The following HECW1 variants were observed in gnomAD, a reference collection of about 807,000 sequenced individuals.
The protein encoded by HECW1 is E3 ubiquitin-protein ligase HECW1.
In HECW1, 61 loss-of-function variants were observed where a neutral mutation model predicts 182.3. The ratio of observed to expected loss-of-function variants is 0.33; its 90% confidence interval spans 0.27 to 0.41. HECW1 has a LOEUF of 0.41. Ranked by LOEUF, HECW1 falls within the 10% of genes least tolerant of loss-of-function variation. HECW1 has a pLI of 1.00. For missense variants in HECW1, 1,739 were observed against 2,108.9 expected, an observed-to-expected ratio of 0.82 and a Z score of 3.44; for synonymous variants, 859 against 832.6, an observed-to-expected ratio of 1.03 and a Z score of -0.55.
rs1473065051 is a variant in HECW1, at chr7:43,463,762, G to T, written c.2754G>T (p.Gly918=). 1.2e-6 allele frequency: 2 copies of T among 1,613,936 alleles called. No individual in the cohort carries two copies. The highest frequency in any genetic ancestry group is 1.7e-6 in the Non-Finnish European group (2 of 1,180,020). ...CAGCAGGAGGAGGCGGAGGTGGAGGGAGTGACTCAGAAGCCGAATCTTCCC... is the reference window on the plus strand; with the variant it reads ...CAGCAGGAGGAGGCGGAGGTGGAGGTAGTGACTCAGAAGCCGAATCTTCCC... The part of the protein sequence containing the change: ...QAPAGGGGGG[G]SDSEAESSQS... The change falls in exon 14 of 30, where the codon GGG becomes GGT. Residue 918 remains glycine (G), a synonymous_variant. Coordinates refer to ENST00000395891, the MANE Select transcript of HECW1 (RefSeq NM_015052.5).
intron 2 of HECW1, among the ~76,000 whole-genome samples, chr7:43,195,917 G>A (rs375193224): frequency 3.3e-5 from 5 of 152,238 alleles, no homozygotes; most frequent in East Asian, 3.9e-4. Context: ...GAACTGTCAC[G>A]GGGTGGTGGG....
chr7:43,550,189 G>A (rs2081749631), intron 26 of HECW1, among the ~76,000 whole-genome samples: 1 of 152,210 alleles, frequency 6.6e-6, no homozygotes, highest in African/African-American at 2.4e-5. Flanking sequence ...TCAGGAGGCT[G>A]AGGCAGGAGG....
chr7:43,419,547 A>C (rs1454433029), intron 8 of HECW1, among the ~76,000 whole-genome samples: 1 of 152,196 alleles, frequency 6.6e-6, no homozygotes, highest in African/African-American at 2.4e-5. Context: ...TACTAGTAAA[A>C]TAATTTAACA....
intron 2 of HECW1, chr7:43,239,147 C>T (rs1242584780): frequency 6.6e-6 from 1 of 152,168 alleles, no homozygotes; most frequent in Non-Finnish European, 1.5e-5. Context: ...TCCAGTCTGG[C>T]TGATGGCTGA....
intron 6 of HECW1, among the ~76,000 whole-genome samples, chr7:43,375,890 CAAAA>C (rs71011911): frequency 9.7e-6 from 1 of 102,908 alleles, no homozygotes; most frequent in Non-Finnish European, 1.9e-5. Context: ...AGACCCTTCT[CAAAA>C]AAAAAAAAAA....
At chr7:43,315,668 A>G (rs948943845) in intron 4 of HECW1, among the ~76,000 whole-genome samples, 1 of 151,748 alleles carries the variant, frequency 6.6e-6, no homozygotes, top group Non-Finnish European at 1.5e-5. Context: ...TAATTTTTCT[A>G]TTTTTAGTAG....
chr7:43,124,800 G>A (rs1425473077), intron 2 of HECW1, among the ~76,000 whole-genome samples: 1 of 152,078 alleles, frequency 6.6e-6, no homozygotes, highest in Non-Finnish European at 1.5e-5. Flanking sequence ...AAAAGATTGT[G>A]TTTTTAAGAT....
chr7:43,554,854 T>C, intron 29 of HECW1, 64 bp downstream of exon 29: 1 of 1,404,318 alleles, frequency 7.1e-7, no homozygotes, highest in Non-Finnish European at 9.8e-7. Flanking sequence ...CTTTGCTATT[T>C]GATTTTGAGT....
intron 2 of HECW1, among the ~76,000 whole-genome samples, chr7:43,231,267 C>A (rs1264177718): frequency 6.6e-6 from 1 of 152,226 alleles, no homozygotes. Flanking sequence ...TCATATGTCC[C>A]TCCCATCACA....
chr7:43,178,736 G>A (rs1583837661), intron 2 of HECW1, among the ~76,000 whole-genome samples: 1 of 152,218 alleles, frequency 6.6e-6, no homozygotes, highest in Admixed American at 6.5e-5. Context: ...TAGAGGTTGG[G>A]CAGCAAGGGG....
chr7:43,342,851 C>T (rs1012969398), intron 5 of HECW1, among the ~76,000 whole-genome samples: 4 of 141,708 alleles, frequency 2.8e-5, no homozygotes, highest in Non-Finnish European at 4.6e-5. Flanking sequence ...CAGGGAAACC[C>T]TGTCTCTACT....
At chr7:43,381,944 G>A (rs747057633) in intron 6 of HECW1, among the ~76,000 whole-genome samples, 1 of 152,044 alleles carries the variant, frequency 6.6e-6, no homozygotes, top group Non-Finnish European at 1.5e-5. Flanking sequence ...GATTACAGGT[G>A]TGAGTCACCA....
At chr7:43,257,013 A>G (rs552838480) in intron 3 of HECW1, among the ~76,000 whole-genome samples, 16 of 152,324 alleles carry the variant, frequency 1.1e-4, no homozygotes, top group African/African-American at 3.6e-4. Flanking sequence ...TCCGTTCCCA[A>G]ATTAACAGTT....
At chr7:43,122,750 T>G (rs1785766489) in intron 2 of HECW1, among the ~76,000 whole-genome samples, 2 of 152,182 alleles carry the variant, frequency 1.3e-5, no homozygotes, top group African/African-American at 4.8e-5. Flanking sequence ...AGCTTCGAGA[T>G]TCTAAAGAGA....
chr7:43,539,602 C>T (rs2081293176), intron 24 of HECW1, among the ~76,000 whole-genome samples: 1 of 152,202 alleles, frequency 6.6e-6, no homozygotes, highest in African/African-American at 2.4e-5. Context: ...TTCATATCTG[C>T]ATATATTTAC....
intron 26 of HECW1, among the ~76,000 whole-genome samples, chr7:43,548,612 G>A (rs2081662794): frequency 6.6e-6 from 1 of 152,154 alleles, no homozygotes; most frequent in Non-Finnish European, 1.5e-5. Context: ...AAATGACCCT[G>A]TTGAAATTAA....
intron 5 of HECW1, among the ~76,000 whole-genome samples, chr7:43,349,718 T>C (rs1055419490): frequency 3.3e-5 from 5 of 152,212 alleles, no homozygotes; most frequent in Admixed American, 6.5e-5. Flanking sequence ...ATGCCTTTTT[T>C]CACCCCTTTA....
chr7:43,206,379 C>T (rs186123824), intron 2 of HECW1, among the ~76,000 whole-genome samples: 8 of 152,130 alleles, frequency 5.3e-5, no homozygotes, highest in African/African-American at 1.9e-4. Context: ...TAAGGGTTGG[C>T]CAAAAAGGTC....
At chr7:43,500,039 A>C (rs1249761638) in intron 19 of HECW1, among the ~76,000 whole-genome samples, 1 of 151,724 alleles carries the variant, frequency 6.6e-6, no homozygotes, top group Non-Finnish European at 1.5e-5. Flanking sequence ...TTCTCAAGAG[A>C]CACTCACCCC....
Sources: gnomAD v4.1 joint callset for allele counts (sites outside exome capture counted in the v4.1 genomes callset) on GRCh38, gnomAD v4.1.1 for gene constraint, MANE v1.5 for transcripts, NCBI Gene and HGNC (gene_info 2026-07-23, HGNC 2026-07-21) for gene names.